ITGB3BP: variants seen among roughly 807,000 people sequenced by gnomAD.
ITGB3BP encodes the protein integrin subunit beta 3 binding protein.
ITGB3BP carries 27 observed loss-of-function variants against 29.1 expected under a neutral mutation model. The ratio of observed to expected loss-of-function variants is 0.93; its 90% CI spans 0.68 to 1.28. ITGB3BP has a LOEUF of 1.28. ITGB3BP is among the 50% of genes most tolerant of loss of function. The pLI is 0.00. For missense variants in ITGB3BP, 192 were observed against 200.2 expected (o/e 0.96, Z 0.25); for synonymous variants, 61 against 61.4 (o/e 0.99, Z 0.03).
At chr1:63,501,530 T>G (rs1319916633) in intron 2 of ITGB3BP, among the ~76,000 whole-genome samples, 3 of 151,900 alleles carry the variant, frequency 2.0e-5, no homozygotes, top group Non-Finnish European at 4.4e-5. Context: ...GTTCTAGGAT[T>G]GGAGAGATTA....
chr1:63,497,980 A>AAAAAAAC (rs1468332129), intron 2 of ITGB3BP, among the ~76,000 whole-genome samples: 1 of 152,112 alleles, frequency 6.6e-6, no homozygotes, highest in Non-Finnish European at 1.5e-5. Context: ...GGTATTGGGG[A>AAAAAAAC]AAAAAACAAA....
In ITGB3BP at chr1:63,523,125, C is replaced by G. The variant is rs780080725; in HGVS notation, c.5+4G>C. On this transcript the variant is annotated splice_donor_region_variant and intron_variant, in intron 1 of 8. Transcript: ENST00000271002. ...ACAGCAATACCTGGGGAGGAGATACCTACGGCATTCTGAGATTCGGGAAAG... is the reference window on the plus strand; with the variant it reads ...ACAGCAATACCTGGGGAGGAGATACGTACGGCATTCTGAGATTCGGGAAAG... 4.3e-6 allele frequency: 7 copies of G among 1,614,174 alleles called. No homozygotes were observed. The South Asian group carries it at 7.7e-5, about 18-fold the overall frequency.
At chr1:63,471,262 GTT>G (rs55797590) in intron 4 of ITGB3BP, among the ~76,000 whole-genome samples, 7 of 125,372 alleles carry the variant, frequency 5.6e-5, no homozygotes, top group African/African-American at 9.2e-5. Flanking sequence ...TCCTCTAAAA[GTT>G]TTTTTTTTTT....
chr1:63,487,345 T>C (rs966540021), intron 3 of ITGB3BP, among the ~76,000 whole-genome samples: 1 of 152,048 alleles, frequency 6.6e-6, no homozygotes, highest in African/African-American at 2.4e-5. Flanking sequence ...CTGGAGAAAC[T>C]TGCTATGGGT....
At chr1:63,461,292 T>G (rs10889422) in intron 4 of ITGB3BP, among the ~76,000 whole-genome samples, 48,705 of 147,068 alleles carry the variant, frequency 0.33, 8,411 homozygotes, top group East Asian at 0.48. Context: ...TACTCAAGTC[T>G]TTGCCTATAT....
intron 2 of ITGB3BP, among the ~76,000 whole-genome samples, chr1:63,507,199 T>G (rs559933594): frequency 1.3e-5 from 2 of 152,208 alleles, no homozygotes; most frequent in Non-Finnish European, 2.9e-5. Context: ...GATGTGGTCA[T>G]GTAGTACCAA....
chr1:63,521,444 A>G (rs956468770), intron 1 of ITGB3BP, among the ~76,000 whole-genome samples: 1 of 152,110 alleles, frequency 6.6e-6, no homozygotes, highest in Non-Finnish European at 1.5e-5. Context: ...GTTAACCTCA[A>G]CTTTAAGGTT....
At position 63,478,822 on chromosome 1, in the gene ITGB3BP, T is replaced by A. The variant is rs751521222; in HGVS notation, c.196A>T (p.Lys66Ter). The A allele has an allele frequency of 3.2e-5, 43 of 1,362,616 alleles. No homozygotes were observed. The highest frequency in any genetic ancestry group is 3.8e-5 in the Non-Finnish European group (38 of 995,468). 84.4% of individuals were successfully genotyped at this position (1,362,616 alleles called of 1,614,324 possible). Reference sequence around the variant, plus strand: ...TCAGTTAAACTGGGGTGATTCAATTTTTTTCTCTTTTCTATATATGTGTAA... The same window carrying A: ...TCAGTTAAACTGGGGTGATTCAATTATTTTCTCTTTTCTATATATGTGTAA... Reference protein sequence around the residue: ...RNGLSNEKRKKLNHPSLTESK... With the variant: ...RNGLSNEKRK Residue 66 changes from lysine to a stop codon, truncating the protein, a stop_gained, in exon 4 of 9, where the codon AAA (lysine) becomes TAA (stop). Transcript: ENST00000271002. LOFTEE classifies it high-confidence loss of function.
At chr1:63,515,232 T>G (rs1388986800) in intron 1 of ITGB3BP, among the ~76,000 whole-genome samples, 17 of 152,152 alleles carry the variant, frequency 1.1e-4, no homozygotes, top group Admixed American at 1.1e-3. Flanking sequence ...TTTTCCCCAC[T>G]GGGTATGCCA....
intron 2 of ITGB3BP, among the ~76,000 whole-genome samples, chr1:63,493,791 T>C (rs548592025): frequency 6.2e-4 from 95 of 152,338 alleles, no homozygotes; most frequent in African/African-American, 2.2e-3. Context: ...TTTAAACCTA[T>C]TATAAACAGT....
chr1:63,494,702 C>T (rs184858128), intron 2 of ITGB3BP, among the ~76,000 whole-genome samples: 305 of 152,146 alleles, frequency 2.0e-3, no homozygotes, highest in Middle Eastern at 3.4e-3. Context: ...AACGTTGATG[C>T]ACTGGTTTTT....
intron 3 of ITGB3BP, among the ~76,000 whole-genome samples, chr1:63,483,181 C>A (rs1197619760): frequency 6.6e-6 from 1 of 152,092 alleles, no homozygotes; most frequent in Non-Finnish European, 1.5e-5. Context: ...GGGTACTTGA[C>A]AGTCTGATAA....
chr1:63,523,302 G>A (rs939299607), upstream of ITGB3BP: 6 of 825,732 alleles, frequency 7.3e-6, no homozygotes, highest in Admixed American at 4.2e-5. Flanking sequence ...AAGGATCCGG[G>A]TGTGCGCGAG....
chr1:63,462,571 C>T (rs1369033867), intron 4 of ITGB3BP, among the ~76,000 whole-genome samples: 2 of 152,174 alleles, frequency 1.3e-5, no homozygotes, highest in Non-Finnish European at 2.9e-5. Flanking sequence ...AGCTTTCAGT[C>T]TTCCATATCT....
At chr1:63,473,374 C>T (rs1415182912) in intron 4 of ITGB3BP, among the ~76,000 whole-genome samples, 12 of 148,708 alleles carry the variant, frequency 8.1e-5, no homozygotes, top group South Asian at 4.3e-4. Flanking sequence ...CCCGGCCAGC[C>T]GCCCCGTCCG....
chr1:63,478,689 TA>T (rs1046301824), intron 4 of ITGB3BP, 74 bp downstream of exon 4: 27 of 711,620 alleles, frequency 3.8e-5, no homozygotes, highest in Non-Finnish European at 6.2e-5. Flanking sequence ...TAAATGCTTT[TA>T]AACGGTCACT....
At chr1:63,472,620 G>T (rs542683398) in intron 4 of ITGB3BP, among the ~76,000 whole-genome samples, 1 of 149,924 alleles carries the variant, frequency 6.7e-6, no homozygotes, top group African/African-American at 2.4e-5. Flanking sequence ...GCAGGCGCGC[G>T]CCGCCACGCC....
chr1:63,523,217 C>T lies in ITGB3BP; in HGVS notation c.-84G>A. The T allele has an allele frequency of 6.3e-7, 1 of 1,594,560 alleles. No individual in the cohort carries two copies. Among genetic ancestry groups the T allele is most frequent in the Admixed American group, 1.7e-5 (1 of 59,798 alleles). On this transcript the variant is annotated 5_prime_UTR_variant, in exon 1 of 9. The change creates a premature stop within an existing upstream ORF in the 5' untranslated region. Transcript: ENST00000271002. ...AACAGAAAATCCGCCAAAGGAAACG[C>T]CAAGGCATGAAAAGCGCGCGCTGGA...
intron 4 of ITGB3BP, among the ~76,000 whole-genome samples, chr1:63,460,091 T>A (rs1644993195): frequency 6.6e-6 from 1 of 152,164 alleles, no homozygotes; most frequent in Admixed American, 6.5e-5. Flanking sequence ...AAGGAGCTTT[T>A]CTGCATTCCG....
Sources: allele counts gnomAD v4.1 joint callset (sites outside exome capture counted in the v4.1 genomes callset), GRCh38; gene constraint gnomAD v4.1.1; transcripts MANE v1.5; gene names NCBI Gene and HGNC (gene_info 2026-07-23, HGNC 2026-07-21).